The following DPF3 variants were observed in gnomAD, a reference collection of about 807,000 sequenced individuals.
DPF3 encodes the protein double PHD fingers 3, also known as zinc finger protein DPF3.
Under a neutral mutation model 56.8 loss-of-function variants are expected in DPF3, and 18 were observed. That is an observed-to-expected ratio of 0.32 (90% CI 0.22 to 0.47). DPF3 has a LOEUF of 0.47. Ranked by LOEUF, DPF3 falls within the 20% of genes least tolerant of loss-of-function variation. The pLI is 1.00. For missense variants in DPF3, 403 were observed against 488.8 expected (o/e 0.82, Z 1.65); for synonymous variants, 188 against 180.2 (o/e 1.04, Z -0.35).
intron 8 of DPF3, chr14:72,670,138 C>T (rs1886604365): frequency 3.0e-6 from 3 of 985,784 alleles, no homozygotes; most frequent in Non-Finnish European, 3.6e-6. Context: ...TAGCCTTGAT[C>T]ATCCAATGGG....
At chr14:72,713,159 T>C (rs143966620) in intron 6 of DPF3, among the ~76,000 whole-genome samples, 346 of 152,334 alleles carry the variant, frequency 2.3e-3, no homozygotes, top group African/African-American at 7.9e-3. Flanking sequence ...TCAGACCCCA[T>C]GCCCTGCTCC....
At chr14:72,674,201 G>C (rs571522065) in intron 8 of DPF3, 39 bp downstream of exon 8, 1 of 1,596,736 alleles carries the variant, frequency 6.3e-7, no homozygotes, top group Non-Finnish European at 8.5e-7. Context: ...GAGCATTCCT[G>C]GTCTACGGGC....
chr14:72,736,627 C>T (rs1280593007), intron 3 of DPF3, among the ~76,000 whole-genome samples: 1 of 151,960 alleles, frequency 6.6e-6, no homozygotes, highest in Non-Finnish European at 1.5e-5. Flanking sequence ...CACAGGAGGT[C>T]CCAGAATGAA....
intron 8 of DPF3, chr14:72,671,378 A>G: frequency 6.2e-7 from 1 of 1,607,364 alleles, no homozygotes; most frequent in African/African-American, 1.3e-5. Context: ...TGGGTTAAGC[A>G]ACAGACAGCA....
intron 4 of DPF3, among the ~76,000 whole-genome samples, chr14:72,726,085 G>A (rs896473556): frequency 6.6e-6 from 1 of 152,150 alleles, no homozygotes; most frequent in Non-Finnish European, 1.5e-5. Context: ...ACCTGTAGGT[G>A]GGAACACTAG....
At chr14:72,718,237 T>C (rs1272905728) in intron 5 of DPF3, among the ~76,000 whole-genome samples, 19 of 152,180 alleles carry the variant, frequency 1.2e-4, no homozygotes, top group African/African-American at 3.1e-4. Context: ...TTGCTCAAAT[T>C]TGGGGCAGTG....
At chr14:72,745,770 T>A (rs1890298987) in intron 3 of DPF3, among the ~76,000 whole-genome samples, 1 of 152,130 alleles carries the variant, frequency 6.6e-6, no homozygotes, top group African/African-American at 2.4e-5. Flanking sequence ...AATGACTCTA[T>A]CCTGAGTCAC....
intron 8 of DPF3, among the ~76,000 whole-genome samples, chr14:72,634,190 A>T (rs1885316593): frequency 6.6e-6 from 1 of 152,210 alleles, no homozygotes; most frequent in Non-Finnish European, 1.5e-5. Flanking sequence ...ATACTATTGT[A>T]ACTTCTCAGC....
At chr14:72,872,401 C>T (rs1455700671) in intron 1 of DPF3, among the ~76,000 whole-genome samples, 2 of 152,196 alleles carry the variant, frequency 1.3e-5, no homozygotes, top group Non-Finnish European at 2.9e-5. Flanking sequence ...ATAGGTTTTT[C>T]TTTTCTATCA....
intron 1 of DPF3, among the ~76,000 whole-genome samples, chr14:72,885,773 C>A (rs1257685937): frequency 1.3e-5 from 2 of 152,080 alleles, no homozygotes; most frequent in Non-Finnish European, 1.5e-5. Context: ...AATGGGGACT[C>A]AAAAACAGCC....
rs1348163352 is a variant in DPF3, at chr14:72,864,860, C to G, written c.32+29197G>C. The stretch of plus-strand genomic sequence containing the variant: ...CTCCTGCCAGTGTCCCCACAAGCCA[C>G]AATGTGGCCTGAATGGGAGGTGAAC... On this transcript the variant is annotated intron_variant, in intron 1 of 10. Coordinates refer to ENST00000556509, the MANE Select transcript of DPF3 (RefSeq NM_001280542.3). 4.6e-5 allele frequency among the ~76,000 whole-genome samples: 7 copies of G among 152,296 alleles called. No homozygotes were observed. The East Asian group carries it at 1.4e-3, about 29-fold the overall frequency.
At chr14:72,865,911 G>C (rs1457784382) in intron 1 of DPF3, among the ~76,000 whole-genome samples, 1 of 152,132 alleles carries the variant, frequency 6.6e-6, no homozygotes, top group Non-Finnish European at 1.5e-5. Context: ...GCTGGGTGTG[G>C]TGATGTGCAC....
At chr14:72,630,184 G>A (rs921376950) in intron 8 of DPF3, among the ~76,000 whole-genome samples, 4 of 152,174 alleles carry the variant, frequency 2.6e-5, no homozygotes, top group African/African-American at 9.7e-5. Context: ...GCCTTAGGGT[G>A]CAAGGGAGGC....
Position 72,613,891 on chromosome 14 carries a change from ACTCG to A in DPF3, c.*5402_*5405del, listed in dbSNP as rs1211965902. On this transcript the variant is annotated 3_prime_UTR_variant, in exon 11 of 11. Coordinates refer to ENST00000556509, the MANE Select transcript of DPF3 (RefSeq NM_001280542.3). ...GCTGAGAGGCTCTAAGGCAGTTCCC[ACTCG>A]CTCTGCCTGGGAGGTTGTCTATCCT... Among the ~76,000 whole-genome samples the A allele has an allele frequency of 6.6e-6, 1 of 151,984 alleles. No homozygotes were observed. The highest frequency in any genetic ancestry group is 1.5e-5 in the Non-Finnish European group (1 of 67,966).
At chr14:72,700,502 C>G (rs914073948) in intron 6 of DPF3, among the ~76,000 whole-genome samples, 1 of 152,164 alleles carries the variant, frequency 6.6e-6, no homozygotes, top group Non-Finnish European at 1.5e-5. Context: ...CCAAGGTGAA[C>G]CCAGGTCCCA....
intron 1 of DPF3, among the ~76,000 whole-genome samples, chr14:72,852,211 C>T (rs1018974739): frequency 2.6e-5 from 4 of 152,168 alleles, no homozygotes; most frequent in African/African-American, 9.7e-5. Context: ...CTCTTGGGTG[C>T]GCCCCTCAAG....
chr14:72,705,042 C>T (rs947135541), intron 6 of DPF3, among the ~76,000 whole-genome samples: 2 of 152,176 alleles, frequency 1.3e-5, no homozygotes, highest in Non-Finnish European at 2.9e-5. Flanking sequence ...ACCATGCAGG[C>T]CAACCTCTAA....
At position 72,613,783 on chromosome 14, in the gene DPF3, C is replaced by T. The variant is rs1883902113; in HGVS notation, c.*5514G>A. On this transcript the variant is annotated 3_prime_UTR_variant, in exon 11 of 11. Transcript: ENST00000556509. ...TCCTCAGAGTTTCCTGACAGCTCTT[C>T]CTTTGGGCCTCTCTTCTAGCTGCCT... Among the ~76,000 whole-genome samples the T allele has an allele frequency of 6.6e-6, 1 of 152,212 alleles. No individual in the cohort carries two copies.
intron 1 of DPF3, among the ~76,000 whole-genome samples, chr14:72,867,934 T>C (rs1885742965): frequency 6.6e-6 from 1 of 151,986 alleles, no homozygotes; most frequent in Admixed American, 6.6e-5. Context: ...GGAGACGGCA[T>C]TTCACCATGT....
Sources: gnomAD v4.1 joint callset for allele counts (sites outside exome capture counted in the v4.1 genomes callset) on GRCh38, gnomAD v4.1.1 for gene constraint, MANE v1.5 for transcripts, NCBI Gene and HGNC (gene_info 2026-07-23, HGNC 2026-07-21) for gene names.